The following ENTPD1 variants were observed in gnomAD, a reference collection of about 807,000 sequenced individuals.
ENTPD1 encodes the protein ATP diphosphohydrolase.
A neutral mutation model predicts 57.0 loss-of-function variants in ENTPD1; 33 were observed. The ratio of observed to expected loss-of-function variants is 0.58; its 90% CI spans 0.44 to 0.77. ENTPD1 has a LOEUF of 0.77. Among genes scored for constraint, ENTPD1 ranks in the 30% least tolerant of loss-of-function variants. The pLI is 0.00. For synonymous variants in ENTPD1, 202 were observed against 218.8 expected, an observed-to-expected ratio of 0.92 and a Z score of 0.68; for missense variants, 501 against 603.4, an observed-to-expected ratio of 0.83 and a Z score of 1.78.
chr10:95,772,224 T>A (rs919282753), intron 1 of ENTPD1, among the ~76,000 whole-genome samples: 3 of 152,236 alleles, frequency 2.0e-5, no homozygotes, highest in Non-Finnish European at 2.9e-5. Flanking sequence ...TTGGAGTGGC[T>A]GTGGCAATTT....
chr10:95,839,498 G>A, intron 2 of ENTPD1, 193 bp from the exon 3 acceptor site: 1 of 657,706 alleles, frequency 1.5e-6, no homozygotes, highest in Non-Finnish European at 2.7e-6. Flanking sequence ...CAAACAGCAT[G>A]AAGAGCCCCG....
the ENTPD1 span, among the ~76,000 whole-genome samples, chr10:95,701,592 A>T: frequency 6.6e-6 from 1 of 152,202 alleles, no homozygotes; most frequent in Non-Finnish European, 1.5e-5. Flanking sequence ...TTATCTATAG[A>T]TGGTGTAGAA....
chr10:95,706,372 CT>C, the ENTPD1 span, among the ~76,000 whole-genome samples: 40,810 of 151,992 alleles, frequency 0.27, 6,319 homozygotes, highest in Admixed American at 0.38. Flanking sequence ...CAAAGATAAA[CT>C]TTATTAAGTG....
intron 1 of ENTPD1, among the ~76,000 whole-genome samples, chr10:95,790,426 C>G (rs1036256709): frequency 6.6e-6 from 1 of 152,112 alleles, no homozygotes; most frequent in South Asian, 2.1e-4. Flanking sequence ...TTTTCAACTC[C>G]GTGGAGGTCA....
At chr10:95,754,920 C>T (rs1299663048), upstream of ENTPD1, 3 of 152,230 alleles carry the variant, frequency 2.0e-5, no homozygotes, top group Admixed American at 6.5e-5. Flanking sequence ...TAAAGTATGA[C>T]TGAAAGCTCG....
chr10:95,711,128 C>T (rs767447684), upstream of ENTPD1, among the ~76,000 whole-genome samples: 15 of 152,044 alleles, frequency 9.9e-5, no homozygotes, highest in Non-Finnish European at 2.1e-4. Context: ...AAGCCAGCAA[C>T]AAAACCTAAA....
chr10:95,841,056 T>C (rs1186128622), intron 3 of ENTPD1, among the ~76,000 whole-genome samples: 1 of 152,202 alleles, frequency 6.6e-6, no homozygotes, highest in Non-Finnish European at 1.5e-5. Flanking sequence ...CCTCATTTTA[T>C]TGGCTTTTAT....
At chr10:95,823,196 G>T (rs2098360042) in intron 1 of ENTPD1, 41 bp from the exon 2 acceptor site, 10 of 1,612,114 alleles carry the variant, frequency 6.2e-6, no homozygotes, top group South Asian at 1.1e-5. Flanking sequence ...CAGTGTTTTT[G>T]ATTTCTTGTT....
At chr10:95,826,999 A>T (rs2098379540) in intron 2 of ENTPD1, among the ~76,000 whole-genome samples, 1 of 152,218 alleles carries the variant, frequency 6.6e-6, no homozygotes, top group South Asian at 2.1e-4. Context: ...TTCTAAGCAG[A>T]TATCTACTGC....
At chr10:95,723,620 A>G (rs921173022) in intron 1 of ENTPD1, among the ~76,000 whole-genome samples, 8 of 152,152 alleles carry the variant, frequency 5.3e-5, no homozygotes, top group Non-Finnish European at 1.0e-4. Flanking sequence ...TTGGGGCTAC[A>G]CTTTCAAGAA....
chr10:95,858,958 A>G (rs1202022579), intron 7 of ENTPD1, among the ~76,000 whole-genome samples: 1 of 151,964 alleles, frequency 6.6e-6, no homozygotes, highest in Non-Finnish European at 1.5e-5. Flanking sequence ...TCATTTCTAA[A>G]ACAAACCCTT....
At chr10:95,810,306 G>A in intron 1 of ENTPD1, among the ~76,000 whole-genome samples, 1 of 142,920 alleles carries the variant, frequency 7.0e-6, no homozygotes, top group East Asian at 2.2e-4. Flanking sequence ...GCGGTGGCTG[G>A]GCAGAGGTGC....
At chr10:95,767,330 A>T (rs10882661) in intron 1 of ENTPD1, among the ~76,000 whole-genome samples, 2 of 148,174 alleles carry the variant, frequency 1.3e-5, no homozygotes, top group Non-Finnish European at 3.0e-5. Context: ...AAAAAAAAAA[A>T]AAAGAAAGAA....
chr10:95,719,776 C>A (rs1053541932), intron 1 of ENTPD1, among the ~76,000 whole-genome samples: 1 of 152,172 alleles, frequency 6.6e-6, no homozygotes, highest in Non-Finnish European at 1.5e-5. Flanking sequence ...TAATGCTTGG[C>A]CAAATAGATG....
At chr10:95,789,057 A>G (rs4918968) in intron 1 of ENTPD1, among the ~76,000 whole-genome samples, 81,914 of 152,034 alleles carry the variant, frequency 0.54, 22,505 homozygotes, top group Admixed American at 0.63. Context: ...CAGGAAGAGG[A>G]ATGCATAGTG....
upstream of ENTPD1, among the ~76,000 whole-genome samples, chr10:95,709,642 C>T (rs1214060385): frequency 1.1e-4 from 16 of 152,200 alleles, no homozygotes; most frequent in Admixed American, 1.0e-3. Flanking sequence ...CCTTGGCCTC[C>T]CAAGTGCTGG....
At chr10:95,838,446 A>C (rs7100137) in intron 2 of ENTPD1, among the ~76,000 whole-genome samples, 19,119 of 152,256 alleles carry the variant, frequency 0.13, 1,647 homozygotes, top group African/African-American at 0.23. Flanking sequence ...AATATAGTAT[A>C]TCCATATAAT....
At chr10:95,758,260 G>C (rs1566111235) in intron 1 of ENTPD1, among the ~76,000 whole-genome samples, 1 of 152,118 alleles carries the variant, frequency 6.6e-6, no homozygotes, top group Non-Finnish European at 1.5e-5. Context: ...AGCTGCCTGG[G>C]TTTGAATTTC....
chr10:95,725,694 G>T (rs182844954), intron 1 of ENTPD1, among the ~76,000 whole-genome samples: 8 of 152,284 alleles, frequency 5.3e-5, no homozygotes, highest in African/African-American at 1.9e-4. Context: ...ACCCACTCCT[G>T]CTCAATCTGT....
Sources: allele counts gnomAD v4.1 joint callset (sites outside exome capture counted in the v4.1 genomes callset), GRCh38; gene constraint gnomAD v4.1.1; transcripts MANE v1.5; gene names NCBI Gene and HGNC (gene_info 2026-07-23, HGNC 2026-07-21).